ARHGEF26: variants seen among roughly 807,000 people sequenced by gnomAD.
ARHGEF26 encodes Rho guanine nucleotide exchange factor 26, also known as Rho guanine nucleotide exchange factor (GEF) 26.
Under a neutral mutation model 89.4 loss-of-function variants are expected in ARHGEF26, and 59 were observed. The observed-to-expected ratio is 0.66, with a 90% confidence interval of 0.54 to 0.82. The LOEUF (loss-of-function observed/expected upper bound fraction) is 0.82, where lower values mean the gene tolerates loss of function less well. Among genes scored for constraint, ARHGEF26 ranks in the 40% least tolerant of loss-of-function variants. ARHGEF26 has a pLI of 0.00. For synonymous variants in ARHGEF26, 500 were observed against 428.4 expected, an observed-to-expected ratio of 1.17 and a Z score of -2.06; for missense variants, 1,234 against 1,085.6, an observed-to-expected ratio of 1.14 and a Z score of -1.92.
intron 6 of ARHGEF26, among the ~76,000 whole-genome samples, chr3:154,158,666 C>A (rs1355648354): frequency 6.6e-6 from 1 of 152,076 alleles, no homozygotes; most frequent in African/African-American, 2.4e-5. Flanking sequence ...CCTCGGCTAT[C>A]TTAAAAGCCT....
At chr3:154,199,997 T>G (rs1040326516) in intron 9 of ARHGEF26, among the ~76,000 whole-genome samples, 11 of 152,034 alleles carry the variant, frequency 7.2e-5, no homozygotes, top group African/African-American at 2.7e-4. Context: ...ATTTTCCTTC[T>G]ATTCTGGGGG....
At chr3:154,158,097 C>T (rs1711501236) in intron 6 of ARHGEF26, among the ~76,000 whole-genome samples, 1 of 152,116 alleles carries the variant, frequency 6.6e-6, no homozygotes, top group Admixed American at 6.6e-5. Context: ...TGCCAGGCAT[C>T]CTACACTTAG....
chr3:154,165,752 G>T (rs1291624770), intron 6 of ARHGEF26, among the ~76,000 whole-genome samples: 1 of 152,122 alleles, frequency 6.6e-6, no homozygotes, highest in Non-Finnish European at 1.5e-5. Context: ...AATGTTTATC[G>T]GAATAACTAA....
intron 10 of ARHGEF26, among the ~76,000 whole-genome samples, chr3:154,225,109 T>A (rs896632397): frequency 1.4e-4 from 21 of 152,132 alleles, no homozygotes; most frequent in African/African-American, 4.8e-4. Context: ...TTGAGAGTTT[T>A]CCAGTTGGCT....
chr3:154,170,104 G>A (rs1348961472), intron 6 of ARHGEF26, among the ~76,000 whole-genome samples: 1 of 151,672 alleles, frequency 6.6e-6, no homozygotes, highest in African/African-American at 2.4e-5. Flanking sequence ...GCTCATGCCT[G>A]TAATCTCAGC....
rs918548817 is a variant in ARHGEF26, at chr3:154,220,845, A to T, written c.1935+2887A>T. ...ATATAAATTTTTAAAAAATTTCTCTATAGAGGGAAAAAGACCATGAAAAAA... is the reference window on the plus strand; with the variant it reads ...ATATAAATTTTTAAAAAATTTCTCTTTAGAGGGAAAAAGACCATGAAAAAA... On this transcript the variant is annotated intron_variant, in intron 10 of 14. Transcript: ENST00000465093. Among the ~76,000 whole-genome samples, 3 of 152,184 alleles carry T rather than the reference A, an allele frequency of 2.0e-5. No individual in the cohort carries two copies. In the East Asian group the frequency reaches 5.8e-4, roughly 29 times the overall value.
intron 6 of ARHGEF26, among the ~76,000 whole-genome samples, chr3:154,153,208 T>A (rs1470662): frequency 1.3e-5 from 2 of 152,006 alleles, no homozygotes. Flanking sequence ...TCAAGGAAAG[T>A]GTCTTCGTTT....
intron 4 of ARHGEF26, among the ~76,000 whole-genome samples, chr3:154,143,829 GT>G (rs1719529861): frequency 6.6e-6 from 1 of 152,222 alleles, no homozygotes; most frequent in African/African-American, 2.4e-5. Context: ...TTACTTCTGT[GT>G]CATTAGCTTT....
chr3:154,181,168 C>G (rs375618642), intron 6 of ARHGEF26, among the ~76,000 whole-genome samples: 1 of 152,262 alleles, frequency 6.6e-6, no homozygotes, highest in East Asian at 1.9e-4. Flanking sequence ...ATCTTACTTA[C>G]CGGCAGCAGA....
At chr3:154,216,540 T>C (rs1467047218) in intron 9 of ARHGEF26, among the ~76,000 whole-genome samples, 1 of 149,256 alleles carries the variant, frequency 6.7e-6, no homozygotes, top group Non-Finnish European at 1.5e-5. Flanking sequence ...AAAATATTTA[T>C]TTTTTTATTA....
intron 9 of ARHGEF26, among the ~76,000 whole-genome samples, chr3:154,202,299 G>A (rs1091613): frequency 0.91 from 138,854 of 152,210 alleles, 63,580 homozygotes; most frequent in East Asian, 1. Context: ...AAGTTTGTCA[G>A]AGATCAGATA....
rs185493596 is a variant in ARHGEF26, at chr3:154,211,497, C to T, written c.1846-6372C>T. Among the ~76,000 whole-genome samples the T allele has an allele frequency of 2.8e-3, 381 of 134,150 alleles. 8 individuals are homozygous for T. The highest frequency in any genetic ancestry group is 1.2e-3 in the Non-Finnish European group (80 of 64,032). The allele number at this position is 134,150 out of a possible 152,430, so 88.0% of individuals were successfully genotyped here. A position where few individuals can be genotyped will look rare whatever the true frequency, so the allele number is the denominator to read the frequency against. On this transcript the variant is annotated intron_variant, in intron 9 of 14. Transcript: ENST00000465093. The stretch of plus-strand genomic sequence containing the variant: ...CCCAGAGATGCTCTCTGCAACATGC[C>T]GCTGCTGTAGGAGACGGGGGTGGGT...
chr3:154,165,753 G>T lies in ARHGEF26; in HGVS notation c.1487+12821G>T, dbSNP rs376418554. Among the ~76,000 whole-genome samples the T allele has an allele frequency of 3.9e-5, 6 of 152,272 alleles. No individual in the cohort carries two copies. In the East Asian group the frequency reaches 7.7e-4, roughly 20 times the overall value. ...ATCAGCATGGAACTAATGTTTATCG[G>T]AATAACTAAATAATCTAAAACCAGG... On this transcript the variant is annotated intron_variant, in intron 6 of 14. Transcript: ENST00000465093.
intron 10 of ARHGEF26, among the ~76,000 whole-genome samples, chr3:154,225,219 G>T (rs141771103): frequency 2.7e-3 from 406 of 152,236 alleles, no homozygotes; most frequent in African/African-American, 9.3e-3. Flanking sequence ...TATTTTGGAA[G>T]AACCTCATTT....
At chr3:154,198,669 C>G (rs1320557102) in intron 9 of ARHGEF26, among the ~76,000 whole-genome samples, 1 of 151,892 alleles carries the variant, frequency 6.6e-6, no homozygotes, top group Non-Finnish European at 1.5e-5. Context: ...TAAGTGGGAG[C>G]TAAGCTATGA....
chr3:154,211,977 G>A (rs960938783), intron 9 of ARHGEF26, among the ~76,000 whole-genome samples: 2 of 152,030 alleles, frequency 1.3e-5, no homozygotes, highest in African/African-American at 4.8e-5. Context: ...AGTTTGGAAG[G>A]GAGGAAGTAA....
intron 4 of ARHGEF26, among the ~76,000 whole-genome samples, chr3:154,132,077 A>T (rs1727893): frequency 1.3e-5 from 2 of 152,150 alleles, no homozygotes; most frequent in East Asian, 3.9e-4. Context: ...TTGGCAATTA[A>T]ATTTAATGAA....
chr3:154,253,929 CAT>C (rs1376059656), intron 13 of ARHGEF26, among the ~76,000 whole-genome samples: 1 of 152,190 alleles, frequency 6.6e-6, no homozygotes, highest in Non-Finnish European at 1.5e-5. Context: ...TAAGAAGTCA[CAT>C]GTCAGCATTT....
rs200278056 is a variant in ARHGEF26, at chr3:154,122,660, A to G, written c.668A>G (p.Gln223Arg). The change falls in exon 2 of 15, where the codon CAG becomes CGG. Residue 223 changes from glutamine to arginine, a missense_variant. By Grantham distance (43) the Gln-to-Arg change is conservative (BLOSUM62 1). Coordinates refer to ENST00000465093, the MANE Select transcript of ARHGEF26 (RefSeq NM_015595.4). ...QKLPLQRLPS[Q>R]ENELLENPSV... The stretch of plus-strand genomic sequence containing the variant: ...CTCCCCCTCCAAAGGCTGCCCTCCC[A>G]GGAGAACGAGCTCCTCGAGAATCCT... 2.0e-4 allele frequency: 316 copies of G among 1,613,806 alleles called. No individual in the cohort carries two copies. The highest frequency in any genetic ancestry group is 2.4e-4 in the Non-Finnish European group (286 of 1,179,892).
Sources: gnomAD v4.1 joint callset for allele counts (sites outside exome capture counted in the v4.1 genomes callset) on GRCh38, gnomAD v4.1.1 for gene constraint, MANE v1.5 for transcripts, NCBI Gene and HGNC (gene_info 2026-07-23, HGNC 2026-07-21) for gene names.